The following CYYR1 variants were observed in gnomAD, a reference collection of about 807,000 sequenced individuals.
The protein encoded by CYYR1 is cysteine and tyrosine-rich protein 1.
CYYR1 carries 14 observed loss-of-function variants against 15.2 expected under a neutral mutation model. That is an observed-to-expected ratio of 0.92 (90% CI 0.61 to 1.44). The LOEUF is 1.44. CYYR1 is among the 40% of genes most tolerant of loss of function. CYYR1 has a pLI of 0.00. For synonymous variants in CYYR1, 80 were observed against 77.4 expected (o/e 1.03, Z -0.18); for missense variants, 228 against 209.5 (o/e 1.09, Z -0.54).
intron 2 of CYYR1, among the ~76,000 whole-genome samples, chr21:26,538,444 GGTTTT>G (rs1978334029): frequency 6.6e-6 from 1 of 151,988 alleles, no homozygotes; most frequent in South Asian, 2.1e-4. Flanking sequence ...GTAGTGTACT[GGTTTT>G]GTTTTATGAA....
chr21:26,513,738 C>T (rs1422200372), intron 2 of CYYR1, among the ~76,000 whole-genome samples: 1 of 151,844 alleles, frequency 6.6e-6, no homozygotes, highest in African/African-American at 2.4e-5. Context: ...TTAGAAAGAT[C>T]AGGGCTCTAA....
intron 2 of CYYR1, among the ~76,000 whole-genome samples, chr21:26,544,661 T>C (rs762327975): frequency 6.6e-5 from 10 of 152,198 alleles, no homozygotes; most frequent in Non-Finnish European, 1.5e-4. Flanking sequence ...TCGATGATAA[T>C]GTCAGAGGAA....
intron 2 of CYYR1, among the ~76,000 whole-genome samples, chr21:26,523,759 T>A (rs2065830340): frequency 1.3e-5 from 2 of 152,166 alleles, no homozygotes; most frequent in Admixed American, 6.5e-5. Flanking sequence ...CCACTCAACC[T>A]AATGTAGGCT....
Position 26,484,554 on chromosome 21 carries a change from A to G in CYYR1, c.177-4125T>C, listed in dbSNP as rs146736510. 5.1e-4 allele frequency among the ~76,000 whole-genome samples: 77 copies of G among 152,228 alleles called. No individual in the cohort carries two copies. The Middle Eastern group carries it at 0.014, about 27-fold the overall frequency. ...AAATCTTTTCAAGAAAAAAAGATCT[A>G]TGAAAGGAGATAATTCGAAGTGAGA... On this transcript the variant is annotated intron_variant, in intron 2 of 3. Coordinates refer to ENST00000652641, the MANE Select transcript of CYYR1 (RefSeq NM_001320768.2).
chr21:26,564,606 A>G (rs1311544549), intron 2 of CYYR1: 1 of 846,300 alleles, frequency 1.2e-6, no homozygotes, highest in African/African-American at 1.8e-5. Flanking sequence ...CTATAAATTC[A>G]AATATATAAA....
intron 2 of CYYR1, among the ~76,000 whole-genome samples, chr21:26,558,672 CAT>C (rs1601830474): frequency 2.0e-5 from 3 of 152,252 alleles, no homozygotes; most frequent in South Asian, 2.1e-4. Context: ...ACATTCATGA[CAT>C]GTGTTTGTTT....
At chr21:26,539,462 C>G (rs1424042337) in intron 2 of CYYR1, among the ~76,000 whole-genome samples, 1 of 152,056 alleles carries the variant, frequency 6.6e-6, no homozygotes, top group African/African-American at 2.4e-5. Context: ...AAAAATAGGC[C>G]CTAGGTTTTC....
At chr21:26,468,716 T>C (rs2064998448) in intron 3 of CYYR1, 82 bp from the exon 4 acceptor site, 5 of 1,054,312 alleles carry the variant, frequency 4.7e-6, no homozygotes. Flanking sequence ...GGCTAGATAC[T>C]TTGGGAGGGG....
At chr21:26,567,008 CAAA>C (rs71183563) in intron 1 of CYYR1, among the ~76,000 whole-genome samples, 59,689 of 129,390 alleles carry the variant, frequency 0.46, 14,751 homozygotes, top group East Asian at 0.6. Flanking sequence ...GGCTCTGTCT[CAAA>C]AAAAAAAAAA....
In CYYR1 at chr21:26,486,636, T is replaced by G. The variant is rs917423960; in HGVS notation, c.177-6207A>C. 1.5e-4 allele frequency among the ~76,000 whole-genome samples: 23 copies of G among 152,178 alleles called. 1 individual carries two copies. Among genetic ancestry groups the G allele is most frequent in the Admixed American group, 1.0e-3 (16 of 15,266 alleles). On this transcript the variant is annotated intron_variant, in intron 2 of 3. Transcript: ENST00000652641. ...TTTAGCTAATTTTTTTTTCTTTTTTTGCAAAATGAGATTTTATAATCAAGA... is the reference window on the plus strand; with the variant it reads ...TTTAGCTAATTTTTTTTTCTTTTTTGGCAAAATGAGATTTTATAATCAAGA...
chr21:26,559,090 T>C (rs1387482466), intron 2 of CYYR1, among the ~76,000 whole-genome samples: 1 of 152,202 alleles, frequency 6.6e-6, no homozygotes, highest in Non-Finnish European at 1.5e-5. Flanking sequence ...CCATCAACAA[T>C]GTGAGAGCCC....
intron 2 of CYYR1, chr21:26,506,481 G>A (rs1456778238): frequency 1.3e-5 from 2 of 152,158 alleles, no homozygotes; most frequent in East Asian, 1.9e-4. Context: ...AGGAGACAGA[G>A]GAGCTTTAAG....
Position 26,467,596 on chromosome 21 carries a change from C to G in CYYR1, c.*905G>C, listed in dbSNP as rs1448176638. 1 of 152,068 alleles carries G rather than the reference C, an allele frequency of 6.6e-6. No homozygotes were observed. Among genetic ancestry groups the G allele is most frequent in the Non-Finnish European group, 1.5e-5 (1 of 68,014 alleles). 9.4% of individuals were successfully genotyped at this position (152,068 alleles called of 1,614,324 possible). ...CATCTTTTACTTGGAAGTGAAGTGT[C>G]TGCTACCTGTGGAACTTGATACAAT... On this transcript the variant is annotated 3_prime_UTR_variant, in exon 4 of 4. Transcript: ENST00000652641.
chr21:26,485,693 G>A (rs1436032967), intron 2 of CYYR1, among the ~76,000 whole-genome samples: 1 of 152,090 alleles, frequency 6.6e-6, no homozygotes, highest in East Asian at 1.9e-4. Context: ...CCATGATATG[G>A]CTATAACACA....
At chr21:26,482,027 T>G (rs1324526007) in intron 2 of CYYR1, among the ~76,000 whole-genome samples, 1 of 152,064 alleles carries the variant, frequency 6.6e-6, no homozygotes, top group Non-Finnish European at 1.5e-5. Context: ...TCAGTTATTT[T>G]TTCTAATACC....
At chr21:26,530,538 G>A (rs1230242917) in intron 2 of CYYR1, among the ~76,000 whole-genome samples, 4 of 151,834 alleles carry the variant, frequency 2.6e-5, no homozygotes, top group Non-Finnish European at 4.4e-5. Context: ...ATGTATACAC[G>A]TGCCATGGTG....
Position 26,467,237 on chromosome 21 carries a change from A to T in CYYR1, c.*1264T>A, listed in dbSNP as rs2064978992. 1 of 152,216 alleles carries T rather than the reference A, an allele frequency of 6.6e-6. No individual in the cohort carries two copies. Among genetic ancestry groups the T allele is most frequent in the Non-Finnish European group, 1.5e-5 (1 of 68,038 alleles). 9.4% of individuals were successfully genotyped at this position (152,216 alleles called of 1,614,324 possible). On this transcript the variant is annotated 3_prime_UTR_variant, in exon 4 of 4. Coordinates refer to ENST00000652641, the MANE Select transcript of CYYR1 (RefSeq NM_001320768.2). Reference sequence around the variant, plus strand: ...TACATGAAACAATTCATATAAAAATATAAATGTTAAGGTCACTCACAGCAA... The same window carrying T: ...TACATGAAACAATTCATATAAAAATTTAAATGTTAAGGTCACTCACAGCAA...
At chr21:26,517,144 A>AAAAAAAAAAAG (rs1491223332) in intron 2 of CYYR1, among the ~76,000 whole-genome samples, 3 of 111,394 alleles carry the variant, frequency 2.7e-5, no homozygotes, top group African/African-American at 1.1e-4. Context: ...AAAAAAAAAA[A>AAAAAAAAAAAG]GAATTCACTG....
chr21:26,520,569 AT>A (rs1232805250), intron 2 of CYYR1, among the ~76,000 whole-genome samples: 1 of 152,120 alleles, frequency 6.6e-6, no homozygotes, highest in Non-Finnish European at 1.5e-5. Context: ...TAGTAGAATG[AT>A]TTATGTTCCT....
Sources: gnomAD v4.1 joint callset for allele counts (sites outside exome capture counted in the v4.1 genomes callset) on GRCh38, gnomAD v4.1.1 for gene constraint, MANE v1.5 for transcripts, NCBI Gene and HGNC (gene_info 2026-07-23, HGNC 2026-07-21) for gene names.